GDPD5: variants seen among roughly 807,000 people sequenced by gnomAD.
GDPD5 encodes the protein glycerophosphodiester phosphodiesterase 2.
In GDPD5, 48 loss-of-function variants were observed where a neutral mutation model predicts 75.1. The observed-to-expected ratio is 0.64, with a 90% confidence interval of 0.51 to 0.81. GDPD5 has a LOEUF of 0.81. GDPD5 is among the 40% of genes least tolerant of loss of function. The pLI is 0.00. For missense variants in GDPD5, 706 were observed against 822.6 expected (o/e 0.86, Z 1.73); for synonymous variants, 336 against 339.0 (o/e 0.99, Z 0.10).
intron 1 of GDPD5, among the ~76,000 whole-genome samples, chr11:75,501,923 T>A (rs1950311321): frequency 6.6e-6 from 1 of 152,096 alleles, no homozygotes; most frequent in Non-Finnish European, 1.5e-5. Flanking sequence ...CATTCAAAAC[T>A]GATGTAAATG....
intron 2 of GDPD5, among the ~76,000 whole-genome samples, chr11:75,488,418 C>A (rs541119257): frequency 2.4e-4 from 37 of 152,180 alleles, no homozygotes; most frequent in African/African-American, 8.7e-4. Flanking sequence ...CTTCCTAAGT[C>A]CCAGGGAGAG....
intron 14 of GDPD5, among the ~76,000 whole-genome samples, chr11:75,440,655 A>G (rs952109651): frequency 2.0e-5 from 3 of 152,208 alleles, no homozygotes; most frequent in Non-Finnish European, 2.9e-5. Flanking sequence ...TGCTGGGCTC[A>G]AGCAATCCTC....
intron 1 of GDPD5, among the ~76,000 whole-genome samples, chr11:75,501,211 G>C (rs990794282): frequency 1.3e-5 from 2 of 152,260 alleles, no homozygotes; most frequent in Non-Finnish European, 2.9e-5. Context: ...CCAGGGGCAA[G>C]GGCTATACCC....
At chr11:75,498,038 A>G (rs1950242539) in intron 1 of GDPD5, among the ~76,000 whole-genome samples, 1 of 150,356 alleles carries the variant, frequency 6.7e-6, no homozygotes. Flanking sequence ...GTCACACAGC[A>G]GGTGACAGAG....
intron 1 of GDPD5, among the ~76,000 whole-genome samples, chr11:75,492,634 C>T (rs1950129613): frequency 6.6e-6 from 1 of 152,168 alleles, no homozygotes; most frequent in South Asian, 2.1e-4. Context: ...TACATCAGTA[C>T]CCTCTCTGAT....
chr11:75,455,260 C>G (rs935101528), intron 6 of GDPD5: 1 of 454,368 alleles, frequency 2.2e-6, no homozygotes, highest in African/African-American at 2.0e-5. Context: ...CAGCCCCACC[C>G]GGGGTGCCAG....
At position 75,482,130 on chromosome 11, in the gene GDPD5, C is replaced by T. The variant is rs866030827; in HGVS notation, c.-60-4335G>A. Among the ~76,000 whole-genome samples the T allele has an allele frequency of 1.3e-3, 203 of 152,162 alleles. 1 individual carries two copies. Among genetic ancestry groups the T allele is most frequent in the African/African-American group, 4.6e-3 (189 of 41,424 alleles). The stretch of plus-strand genomic sequence containing the variant: ...TCCTCTGCCGCCCCTCCCCTGTCCC[C>T]ACGACTGCACATTACAACCCACCCA... On this transcript the variant is annotated intron_variant, in intron 2 of 16. Transcript: ENST00000336898.
chr11:75,483,782 A>T (rs1949968150), intron 2 of GDPD5, among the ~76,000 whole-genome samples: 1 of 152,226 alleles, frequency 6.6e-6, no homozygotes, highest in African/African-American at 2.4e-5. Context: ...AATGACCAGA[A>T]TGGGCAAATA....
chr11:75,456,533 A>G, intron 6 of GDPD5: 1 of 575,624 alleles, frequency 1.7e-6, no homozygotes. Flanking sequence ...ACAAAATGGA[A>G]TGATAACAGT....
chr11:75,500,697 C>T (rs1950289963), intron 1 of GDPD5, among the ~76,000 whole-genome samples: 1 of 152,192 alleles, frequency 6.6e-6, no homozygotes, highest in African/African-American at 2.4e-5. Context: ...GAAGCTCATA[C>T]CCACAGTGGC....
At chr11:75,504,376 A>C (rs1793398) in intron 1 of GDPD5, among the ~76,000 whole-genome samples, 108,261 of 151,980 alleles carry the variant, frequency 0.71, 39,755 homozygotes, top group Admixed American at 0.81. Context: ...ATCCAACTTC[A>C]AAACTCCCTA....
chr11:75,437,108 C>A (rs1948646818), intron 15 of GDPD5, 60 bp from the exon 16 acceptor site: 16 of 1,263,750 alleles, frequency 1.3e-5, no homozygotes, highest in East Asian at 2.4e-5. Flanking sequence ...GAGCAGAGAC[C>A]CTGCCTACTT....
intron 4 of GDPD5, 82 bp from the exon 5 acceptor site, chr11:75,457,868 C>A (rs746119690): frequency 9.7e-6 from 10 of 1,035,900 alleles, no homozygotes; most frequent in Non-Finnish European, 1.2e-5. Context: ...TGAGCCTCCA[C>A]ACAGACGACA....
rs371012387 is a variant in GDPD5, at chr11:75,477,745, C to G, written c.-10G>C. On this transcript the variant is annotated 5_prime_UTR_variant, in exon 3 of 17. Transcript: ENST00000336898. ...GCTGGTGTCTCACCATACTCGTGCC[C>G]ACGGCCCTGGCGCCTGGCCCTCAGG... 5.2e-4 allele frequency: 801 copies of G among 1,547,736 alleles called. No individual in the cohort carries two copies. The highest frequency in any genetic ancestry group is 6.9e-4 in the Non-Finnish European group (781 of 1,135,622).
chr11:75,468,964 G>A (rs1204607467), intron 3 of GDPD5, among the ~76,000 whole-genome samples: 29 of 152,216 alleles, frequency 1.9e-4, no homozygotes, highest in Admixed American at 1.4e-3. Flanking sequence ...GCCCCAGCAC[G>A]ATTACAGATG....
chr11:75,499,228 A>G (rs2135446254), intron 1 of GDPD5, among the ~76,000 whole-genome samples: 1 of 151,970 alleles, frequency 6.6e-6, no homozygotes. Flanking sequence ...CATGCACTTG[A>G]ATTGACGTCT....
At chr11:75,463,270 C>T (rs1319573629) in intron 3 of GDPD5, among the ~76,000 whole-genome samples, 1 of 152,230 alleles carries the variant, frequency 6.6e-6, no homozygotes, top group Non-Finnish European at 1.5e-5. Context: ...ACAAAGCAGG[C>T]ACTCTTCTTC....
At position 75,525,811 on chromosome 11, in the gene GDPD5, G is replaced by A. The variant is rs552521190; in HGVS notation, c.-746C>T. 2 of 151,400 alleles carry A rather than the reference G, an allele frequency of 1.3e-5. No homozygotes were observed. Among genetic ancestry groups the A allele is most frequent in the South Asian group, 4.1e-4 (2 of 4,822 alleles). 9.4% of individuals were successfully genotyped at this position (151,400 alleles called of 1,614,324 possible). On this transcript the variant is annotated 5_prime_UTR_variant, in exon 1 of 17. Coordinates refer to ENST00000336898, the MANE Select transcript of GDPD5 (RefSeq NM_030792.8). Reference sequence around the variant, plus strand: ...AACCTCGGCGCGGCGGCCGACTCCCGAGCTCCCGGCCGCGGCTCCACTTCC... The same window carrying A: ...AACCTCGGCGCGGCGGCCGACTCCCAAGCTCCCGGCCGCGGCTCCACTTCC...
At chr11:75,446,149 C>A in intron 9 of GDPD5, among the ~76,000 whole-genome samples, 1 of 152,230 alleles carries the variant, frequency 6.6e-6, no homozygotes, top group East Asian at 1.9e-4. Context: ...ACGCTCCCTG[C>A]TGCATGGGCT....
Sources: gnomAD v4.1 joint callset for allele counts (sites outside exome capture counted in the v4.1 genomes callset) on GRCh38, gnomAD v4.1.1 for gene constraint, MANE v1.5 for transcripts, NCBI Gene and HGNC (gene_info 2026-07-23, HGNC 2026-07-21) for gene names.